HS3ST4: variants seen among roughly 807,000 people sequenced by gnomAD.
HS3ST4 encodes heparan sulfate glucosamine 3-O-sulfotransferase 4.
HS3ST4 carries 17 observed loss-of-function variants against 29.2 expected under a neutral mutation model. That is an observed-to-expected ratio of 0.58 (90% CI 0.40 to 0.87). The LOEUF is 0.87. Among genes scored for constraint, HS3ST4 ranks in the 40% least tolerant of loss-of-function variants. The probability of loss-of-function intolerance (pLI) is 0.00; values close to 1 mark genes in which losing one functional copy is unlikely to be tolerated. For missense variants in HS3ST4, 627 were observed against 634.5 expected, an observed-to-expected ratio of 0.99 and a Z score of 0.13; for synonymous variants, 314 against 285.7, an observed-to-expected ratio of 1.10 and a Z score of -1.00.
At chr16:26,134,730 A>T (rs982963221) in intron 1 of HS3ST4, among the ~76,000 whole-genome samples, 1 of 152,212 alleles carries the variant, frequency 6.6e-6, no homozygotes, top group Admixed American at 6.5e-5. Context: ...TTCCATGTTT[A>T]TTCCCTGTCC....
At chr16:25,943,306 G>A (rs1410353795) in intron 1 of HS3ST4, among the ~76,000 whole-genome samples, 3 of 152,144 alleles carry the variant, frequency 2.0e-5, no homozygotes, top group Non-Finnish European at 4.4e-5. Flanking sequence ...AGGAAATATG[G>A]AATAGTTCTG....
At chr16:26,035,334 G>T (rs1374193028) in intron 1 of HS3ST4, among the ~76,000 whole-genome samples, 1 of 152,116 alleles carries the variant, frequency 6.6e-6, no homozygotes, top group Admixed American at 6.5e-5. Flanking sequence ...TCATGGACTG[G>T]CAAATTAACT....
intron 1 of HS3ST4, among the ~76,000 whole-genome samples, chr16:25,934,391 T>G (rs1968497704): frequency 6.6e-6 from 1 of 152,222 alleles, no homozygotes; most frequent in Non-Finnish European, 1.5e-5. Context: ...TTCTTTGTGG[T>G]TCCAGAGGAC....
chr16:25,828,921 T>C (rs961808269), intron 1 of HS3ST4, among the ~76,000 whole-genome samples: 5 of 152,138 alleles, frequency 3.3e-5, no homozygotes, highest in African/African-American at 1.2e-4. Context: ...CACTATAAGG[T>C]TCATGTGAGA....
At chr16:25,816,786 T>G (rs940636647) in intron 1 of HS3ST4, among the ~76,000 whole-genome samples, 1 of 152,178 alleles carries the variant, frequency 6.6e-6, no homozygotes, top group African/African-American at 2.4e-5. Flanking sequence ...TGGTGAGGGC[T>G]TTCTTGCTGG....
At chr16:25,869,826 T>A (rs1596597145) in intron 1 of HS3ST4, among the ~76,000 whole-genome samples, 1 of 152,214 alleles carries the variant, frequency 6.6e-6, no homozygotes, top group East Asian at 1.9e-4. Flanking sequence ...CATTTACATG[T>A]GTTGTTTAGG....
chr16:25,701,892 T>C (rs922522329), intron 1 of HS3ST4, among the ~76,000 whole-genome samples: 1 of 152,244 alleles, frequency 6.6e-6, no homozygotes, highest in African/African-American at 2.4e-5. Context: ...ATGTGATTTA[T>C]TGTTAATACA....
chr16:26,045,706 T>G (rs992386144), intron 1 of HS3ST4, among the ~76,000 whole-genome samples: 1 of 152,214 alleles, frequency 6.6e-6, no homozygotes, highest in East Asian at 1.9e-4. Context: ...TTAGAACAAC[T>G]ATTGTTCACG....
At chr16:25,698,089 A>G (rs1966310898) in intron 1 of HS3ST4, among the ~76,000 whole-genome samples, 2 of 151,590 alleles carry the variant, frequency 1.3e-5, no homozygotes, top group Admixed American at 6.6e-5. Context: ...CATGTTGGTT[A>G]TTATTATTTG....
intron 1 of HS3ST4, among the ~76,000 whole-genome samples, chr16:25,968,459 C>T (rs923125180): frequency 3.3e-5 from 5 of 152,124 alleles, no homozygotes; most frequent in Admixed American, 3.3e-4. Context: ...TTTGCTGCCC[C>T]CATCATTTGC....
At chr16:26,088,566 A>G (rs532939381) in intron 1 of HS3ST4, among the ~76,000 whole-genome samples, 1 of 152,292 alleles carries the variant, frequency 6.6e-6, no homozygotes. Context: ...AGAGGCTGAT[A>G]AGTTCACACA....
intron 1 of HS3ST4, among the ~76,000 whole-genome samples, chr16:26,105,138 A>G (rs985957106): frequency 1.1e-4 from 17 of 152,224 alleles, no homozygotes; most frequent in African/African-American, 4.1e-4. Context: ...AATGTGGTAC[A>G]TAAACACCAT....
At chr16:25,921,485 A>G (rs894909992) in intron 1 of HS3ST4, among the ~76,000 whole-genome samples, 2 of 152,248 alleles carry the variant, frequency 1.3e-5, no homozygotes, top group Non-Finnish European at 2.9e-5. Context: ...TTGAGTTGAC[A>G]TGAGGCCTTG....
intron 1 of HS3ST4, among the ~76,000 whole-genome samples, chr16:26,018,579 C>G (rs191077165): frequency 1.4e-3 from 215 of 152,116 alleles, no homozygotes; most frequent in Non-Finnish European, 6.5e-4. Flanking sequence ...AAACTGAATC[C>G]CAGAGAGGCT....
intron 1 of HS3ST4, among the ~76,000 whole-genome samples, chr16:25,932,147 G>A (rs2141688070): frequency 6.6e-6 from 1 of 152,168 alleles, no homozygotes; most frequent in African/African-American, 2.4e-5. Flanking sequence ...GACCCTGTCT[G>A]TACAAAAAAT....
intron 1 of HS3ST4, among the ~76,000 whole-genome samples, chr16:25,788,632 C>T (rs1186305607): frequency 6.8e-6 from 1 of 146,828 alleles, no homozygotes; most frequent in Non-Finnish European, 1.5e-5. Flanking sequence ...CCTCAAACTC[C>T]TGGGCTCAAG....
At chr16:26,025,889 C>T (rs113692778) in intron 1 of HS3ST4, among the ~76,000 whole-genome samples, 5,496 of 152,282 alleles carry the variant, frequency 0.036, 111 homozygotes, top group Middle Eastern at 0.15. Context: ...AATTCTCCTG[C>T]CTCAGCCTCC....
intron 1 of HS3ST4, among the ~76,000 whole-genome samples, chr16:25,868,990 G>C (rs571790033): frequency 6.6e-6 from 1 of 152,234 alleles, no homozygotes; most frequent in South Asian, 2.1e-4. Flanking sequence ...TGTGTGTACC[G>C]TGTGTGTGCC....
intron 1 of HS3ST4, among the ~76,000 whole-genome samples, chr16:25,922,192 G>T (rs1043274772): frequency 2.0e-5 from 3 of 152,108 alleles, no homozygotes; most frequent in African/African-American, 7.2e-5. Flanking sequence ...TCTGAAAATT[G>T]TATCTCCCTA....
Sources: allele counts gnomAD v4.1 joint callset (sites outside exome capture counted in the v4.1 genomes callset), GRCh38; gene constraint gnomAD v4.1.1; transcripts MANE v1.5; gene names NCBI Gene and HGNC (gene_info 2026-07-23, HGNC 2026-07-21).